FMO4: variants seen among roughly 807,000 people sequenced by gnomAD.
The protein encoded by FMO4 is flavin containing dimethylaniline monoxygenase 4.
Under a neutral mutation model 43.3 loss-of-function variants are expected in FMO4, and 38 were observed. The ratio of observed to expected loss-of-function variants is 0.88; its 90% CI spans 0.68 to 1.15. The LOEUF (loss-of-function observed/expected upper bound fraction) is 1.15. FMO4 is among the 50% of genes most tolerant of loss of function. The pLI is 0.00. For synonymous variants in FMO4, 224 were observed against 232.2 expected (o/e 0.96, Z 0.32); for missense variants, 631 against 663.3 (o/e 0.95, Z 0.54).
chr1:171,339,834 T>G (rs1663289722), intron 9 of FMO4, among the ~76,000 whole-genome samples: 1 of 152,120 alleles, frequency 6.6e-6, no homozygotes, highest in Non-Finnish European at 1.5e-5. Context: ...AACTCAATTA[T>G]CTGGATGCTA....
rs377275674 is a variant in FMO4, at chr1:171,324,086, C to T, written c.322-52C>T. On this transcript the variant is annotated intron_variant, in intron 4 of 9. Coordinates refer to ENST00000367749, the MANE Select transcript of FMO4 (RefSeq NM_002022.3). ...GACATGGTTACCACACCAGTCATTG[C>T]ATGAGGTCCAAGGGTGTTAGTGAGA... 4 of 1,487,488 alleles carry T rather than the reference C, an allele frequency of 2.7e-6. No individual in the cohort carries two copies. In the African/African-American group the frequency reaches 5.6e-5, roughly 21 times the overall value. The allele number at this position is 1,487,488 out of a possible 1,614,324, so 92.1% of individuals were successfully genotyped here. A position where few individuals can be genotyped will look rare whatever the true frequency, so the allele number is the denominator to read the frequency against.
chr1:171,324,457 C>T (rs866658852), intron 5 of FMO4, among the ~76,000 whole-genome samples, 157 bp downstream of exon 5: 22 of 152,222 alleles, frequency 1.4e-4, no homozygotes, highest in Middle Eastern at 3.4e-3. Flanking sequence ...AGTTGTATAA[C>T]GCACTATGTA....
chr1:171,319,491 G>A (rs55949630), intron 2 of FMO4, among the ~76,000 whole-genome samples: 31 of 152,062 alleles, frequency 2.0e-4, no homozygotes, highest in African/African-American at 4.3e-4. Flanking sequence ...AGGGTGGGGC[G>A]TTTGCCAGGG....
intron 5 of FMO4, 57 bp downstream of exon 5, chr1:171,324,357 CTTATTGATTTGCAGTTGGAAA>C: frequency 1.4e-6 from 2 of 1,389,756 alleles, no homozygotes; most frequent in South Asian, 2.9e-5. Flanking sequence ...TAGAAGTAAA[CTTATTGATTTGCAGTTGGAAA>C]TACCGCCCCA....
At chr1:171,320,303 C>G (rs1208641234) in intron 3 of FMO4, among the ~76,000 whole-genome samples, 1 of 152,144 alleles carries the variant, frequency 6.6e-6, no homozygotes, top group African/African-American at 2.4e-5. Context: ...CATTGGTGAA[C>G]ATAAAACAGA....
intron 9 of FMO4, among the ~76,000 whole-genome samples, chr1:171,339,526 C>T (rs975033037): frequency 2.0e-5 from 3 of 152,112 alleles, no homozygotes; most frequent in African/African-American, 7.2e-5. Context: ...TTCTTATAAC[C>T]GTGCCAATCG....
Position 171,315,379 on chromosome 1 carries a change from G to A in FMO4, c.-150-807G>A, listed in dbSNP as rs138857041. ...TATAGTTTGCAGAGTTTGCACACAC[G>A]TTCTCCCAATCCTTCAAGCCTGCAG... is the stretch of plus-strand genomic sequence containing the variant. On this transcript the variant is annotated intron_variant, in intron 1 of 9. Coordinates refer to ENST00000367749, the MANE Select transcript of FMO4 (RefSeq NM_002022.3). Among the ~76,000 whole-genome samples the A allele has an allele frequency of 4.7e-4, 72 of 151,840 alleles. 1 individual carries two copies. Among genetic ancestry groups the A allele is most frequent in the African/African-American group, 1.6e-3 (65 of 41,442 alleles).
chr1:171,325,959 T>C (rs1388569034), intron 5 of FMO4, among the ~76,000 whole-genome samples: 1 of 141,694 alleles, frequency 7.1e-6, no homozygotes, highest in Non-Finnish European at 1.5e-5. Context: ...GCAATCTTCC[T>C]GCCTCAGCCT....
In FMO4 at chr1:171,342,076, T is replaced by G; in HGVS notation, c.*237T>G. ...ATTATTCTAAAATAAATATATATGATATGGTTTAGCTGTGTCCCCACCCAA... is the reference window on the plus strand; with the variant it reads ...ATTATTCTAAAATAAATATATATGAGATGGTTTAGCTGTGTCCCCACCCAA... On this transcript the variant is annotated 3_prime_UTR_variant, in exon 10 of 10. Coordinates refer to ENST00000367749, the MANE Select transcript of FMO4 (RefSeq NM_002022.3). 1 of 474,070 alleles carries G rather than the reference T, an allele frequency of 2.1e-6. No individual in the cohort carries two copies. The highest frequency in any genetic ancestry group is 3.8e-6 in the Non-Finnish European group (1 of 264,458). The allele number at this position is 474,070 out of a possible 1,614,324, so 29.4% of individuals were successfully genotyped here.
chr1:171,324,107 T>A, intron 4 of FMO4, 31 bp from the exon 5 acceptor site: 1 of 1,586,710 alleles, frequency 6.3e-7, no homozygotes, highest in Non-Finnish European at 8.6e-7. Flanking sequence ...AGGGTGTTAG[T>A]GAGAAGTGAG....
chr1:171,323,378 T>C (rs1434996935), intron 4 of FMO4, among the ~76,000 whole-genome samples, 186 bp downstream of exon 4: 2 of 152,080 alleles, frequency 1.3e-5, no homozygotes, highest in Non-Finnish European at 2.9e-5. Context: ...AAATACTGAA[T>C]TGGGGACGGG....
intron 5 of FMO4, among the ~76,000 whole-genome samples, chr1:171,325,000 C>T (rs562853746): frequency 6.6e-6 from 1 of 152,240 alleles, no homozygotes; most frequent in Non-Finnish European, 1.5e-5. Flanking sequence ...CCCAGCTACT[C>T]AGCAGGCTGA....
At chr1:171,333,147 C>T (rs1450755030) in intron 7 of FMO4, 1 of 355,656 alleles carries the variant, frequency 2.8e-6, no homozygotes, top group African/African-American at 2.1e-5. Context: ...TGAAAACTTC[C>T]ATTTCCTGCT....
rs1222838588 is a variant in FMO4 at position 171,324,427 on chromosome 1, A to G, written c.484+127A>G. The G allele has an allele frequency of 4.5e-6, 3 of 673,226 alleles. No homozygotes were observed. In the East Asian group the frequency reaches 8.1e-5, roughly 18 times the overall value. The allele number at this position is 673,226 out of a possible 1,614,324, so 41.7% of individuals were successfully genotyped here. A position where few individuals can be genotyped will look rare whatever the true frequency, so the allele number is the denominator to read the frequency against. ...CTTTATATTCATTCTCAAAAATAAT[A>G]TGTGCAAAATTACTTTAAAAGTTGT... On this transcript the variant is annotated intron_variant, in intron 5 of 9. Transcript: ENST00000367749.
chr1:171,334,131 G>A (rs966472778), intron 7 of FMO4, among the ~76,000 whole-genome samples: 5 of 152,182 alleles, frequency 3.3e-5, no homozygotes, highest in African/African-American at 1.2e-4. Context: ...GACACTCTGA[G>A]AAAAGCATTG....
At chr1:171,337,769 C>G (rs546312119) in intron 9 of FMO4, among the ~76,000 whole-genome samples, 2 of 152,270 alleles carry the variant, frequency 1.3e-5, no homozygotes, top group African/African-American at 4.8e-5. Flanking sequence ...GCCTCTTCCT[C>G]ACTCCCAAAA....
rs1662961056 is a variant in FMO4, at chr1:171,332,853, AG to A, written c.774del (p.Lys259SerfsTer2). 6.2e-7 allele frequency: 1 copy of A among 1,601,826 alleles called. No homozygotes were observed. Among genetic ancestry groups the A allele is most frequent in the Non-Finnish European group, 8.6e-7 (1 of 1,168,884 alleles). On this transcript the variant is annotated frameshift_variant, in exon 7 of 10. Coordinates refer to ENST00000367749, the MANE Select transcript of FMO4 (RefSeq NM_002022.3). LOFTEE classifies it high-confidence loss of function. ...ACGTTTTCTAAACTGGATTCAAGAA[AG>A]GAAGTTGAATAAGAGATTTAATCAT... ...PSRFLNWIQE[R>X]KLNKRFNHED...
chr1:171,324,388 A>C, intron 5 of FMO4, 88 bp downstream of exon 5: 1 of 967,062 alleles, frequency 1.0e-6, no homozygotes, highest in Non-Finnish European at 1.5e-6. Flanking sequence ...ATACCGCCCC[A>C]TGATTATAGA....
At chr1:171,323,600 G>T (rs931366685) in intron 4 of FMO4, among the ~76,000 whole-genome samples, 71 of 152,188 alleles carry the variant, frequency 4.7e-4, no homozygotes, top group African/African-American at 1.6e-3. Flanking sequence ...GGAGGCAGAG[G>T]TTGCAGTGAG....
Sources: gnomAD v4.1 joint callset for allele counts (sites outside exome capture counted in the v4.1 genomes callset) on GRCh38, gnomAD v4.1.1 for gene constraint, MANE v1.5 for transcripts, NCBI Gene and HGNC (gene_info 2026-07-23, HGNC 2026-07-21) for gene names.